OR2Y1: variants seen among roughly 807,000 people sequenced by gnomAD.
OR2Y1 encodes olfactory receptor 2Y1.
For missense variants in OR2Y1, 412 were observed against 388.4 expected (o/e 1.06, Z -0.51); for synonymous variants, 163 against 154.2 (o/e 1.06, Z -0.42).
rs145162555 is a variant in OR2Y1, at chr5:180,739,126, C to G, written c.933G>C (p.Gly311=). The change falls in exon 1 of 1, where the codon GGG becomes GGC. Residue 311 remains glycine (G), a synonymous_variant. Coordinates refer to ENST00000307832, the MANE Select transcript of OR2Y1 (RefSeq NM_001001657.1). ...TTACTGCTCATTTTTTCACCTCCTA[C>G]CCTGAGTCCCTGCCCCTCCATAGTA... ...WKVLWRGRDS[G] The G allele has an allele frequency of 1.8e-4, 288 of 1,590,524 alleles. No individual in the cohort carries two copies. Among genetic ancestry groups the G allele is most frequent in the Non-Finnish European group, 2.3e-4 (275 of 1,170,898 alleles).
At position 180,739,939 on chromosome 5, in the gene OR2Y1, A is replaced by G; in HGVS notation, c.120T>C (p.Phe40=). 6.2e-7 allele frequency: 1 copy of G among 1,614,216 alleles called. No homozygotes were observed. The highest frequency in any genetic ancestry group is 1.6e-4 in the Middle Eastern group (1 of 6,062). ...AGAGAGCGATGATGATGGTGTTGCC[A>G]AAGAGAGTTAGGGAGTAGAAAATAA... ...FIFIFYSLTL[F]GNTIIIALSW... is the part of the protein sequence containing the mutation. Residue 40 remains phenylalanine (F), a synonymous_variant, in exon 1 of 1, where the codon TTT becomes TTC. Coordinates refer to ENST00000307832, the MANE Select transcript of OR2Y1 (RefSeq NM_001001657.1).
At position 180,739,271 on chromosome 5, in the gene OR2Y1, TG is replaced by T; in HGVS notation, c.787del (p.His263ThrfsTer17). 6.2e-7 allele frequency: 1 copy of T among 1,614,036 alleles called. No homozygotes were observed. Among genetic ancestry groups the T allele is most frequent in the Non-Finnish European group, 8.5e-7 (1 of 1,180,006 alleles). ...SAIYTYLQSI[H>X]NYSEREGKFV... ...TTTTCCCTCACGCTCAGAATAATTG[TG>T]GATGGATTGGAGATATGTGTAGATG... On this transcript the variant is annotated frameshift_variant, in exon 1 of 1. Coordinates refer to ENST00000307832, the MANE Select transcript of OR2Y1 (RefSeq NM_001001657.1). LOFTEE classifies it low-confidence loss of function (END_TRUNC).
In OR2Y1 at chr5:180,739,598, A is replaced by G; in HGVS notation, c.461T>C (p.Val154Ala). 5.0e-6 allele frequency: 8 copies of G among 1,614,228 alleles called. No homozygotes were observed. The highest frequency in any genetic ancestry group is 6.8e-6 in the Non-Finnish European group (8 of 1,180,024). Residue 154 changes from valine to alanine, a missense_variant, in exon 1 of 1, where the codon GTG (valine) becomes GCG (alanine). Transcript: ENST00000307832. ...LAIASWGAGFVNSLIQTGLAM... is the reference protein window; with the variant it reads ...LAIASWGAGFANSLIQTGLAM... ...GAGACCTGTCTGGATCAGAGAGTTC[A>G]CGAAACCCGCACCCCAGGAGGCGAT...
Position 180,739,596 on chromosome 5 carries a change from T to C in OR2Y1, c.463A>G (p.Asn155Asp), listed in dbSNP as rs1470843605. The C allele has an allele frequency of 2.5e-6, 4 of 1,614,126 alleles. No individual in the cohort carries two copies. Among genetic ancestry groups the C allele is most frequent in the Non-Finnish European group, 3.4e-6 (4 of 1,180,010 alleles). The change falls in exon 1 of 1, where the codon AAC becomes GAC. Residue 155 changes from asparagine (N) to aspartate (D), a missense_variant. Asn to Asp is a conservative substitution (Grantham distance 23). Coordinates refer to ENST00000307832, the MANE Select transcript of OR2Y1 (RefSeq NM_001001657.1). ...AIASWGAGFV[N>D]SLIQTGLAMA... is the part of the protein sequence containing the mutation. ...GCGAGACCTGTCTGGATCAGAGAGTTCACGAAACCCGCACCCCAGGAGGCG... is the reference window on the plus strand; with the variant it reads ...GCGAGACCTGTCTGGATCAGAGAGTCCACGAAACCCGCACCCCAGGAGGCG...
chr5:180,739,430 G>T lies in OR2Y1; in HGVS notation c.629C>A (p.Ala210Glu). Residue 210 changes from alanine to glutamate, a missense_variant, in exon 1 of 1, where the codon GCA becomes GAA. Physicochemically the swap from Ala to Glu is moderately radical, Grantham distance 107 (BLOSUM62 -1). Transcript: ENST00000307832. ...CACATAGGAGCCTAGAATAAGTGCT[G>T]CAGGAACAGCCACGACTATGACTCG... ...VARVIVVAVPAALILGSYVHI... is the reference protein window; with the variant it reads ...VARVIVVAVPEALILGSYVHI... The T allele has an allele frequency of 6.2e-7, 1 of 1,614,212 alleles. No individual in the cohort carries two copies. The highest frequency in any genetic ancestry group is 8.5e-7 in the Non-Finnish European group (1 of 1,180,052).
rs753791222 is a variant in OR2Y1, at chr5:180,739,645, G to T, written c.414C>A (p.Pro138=). Residue 138 remains proline, a synonymous_variant, in exon 1 of 1, where the codon CCC becomes CCA. Transcript: ENST00000307832. ...CGATAGCCAGGGTCTGGCAGAGATGGGGGTGCATGATGGCCATGTAGTGGA... is the reference window on the plus strand; with the variant it reads ...CGATAGCCAGGGTCTGGCAGAGATGTGGGTGCATGATGGCCATGTAGTGGA... The part of the protein sequence containing the change: ...RPLHYMAIMH[P]HLCQTLAIAS... 1.2e-6 allele frequency: 2 copies of T among 1,614,128 alleles called. No individual in the cohort carries two copies. The highest frequency in any genetic ancestry group is 1.7e-6 in the Non-Finnish European group (2 of 1,180,050).
Position 180,739,859 on chromosome 5 carries a change from G to A in OR2Y1, c.200C>T (p.Ser67Phe), listed in dbSNP as rs1766819748. ...TPMYFFLSHLSLLDLCFTTST... is the reference protein window; with the variant it reads ...TPMYFFLSHLFLLDLCFTTST... ...GGTGGTGAAGCAGAGGTCCAGGAGGGACAGATGAGAGAGAAAGAAGTACAT... is the reference window on the plus strand; with the variant it reads ...GGTGGTGAAGCAGAGGTCCAGGAGGAACAGATGAGAGAGAAAGAAGTACAT... The change falls in exon 1 of 1, where the codon TCC (serine) becomes TTC (phenylalanine). Residue 67 changes from serine (S) to phenylalanine (F), a missense_variant. Coordinates refer to ENST00000307832, the MANE Select transcript of OR2Y1 (RefSeq NM_001001657.1). The A allele has an allele frequency of 6.2e-7, 1 of 1,614,116 alleles. No homozygotes were observed. The highest frequency in any genetic ancestry group is 1.3e-5 in the African/African-American group (1 of 74,950).
chr5:180,739,352 GC>G lies in OR2Y1; in HGVS notation c.706del (p.Ala236LeufsTer10). On this transcript the variant is annotated frameshift_variant, in exon 1 of 1. Transcript: ENST00000307832. LOFTEE classifies it low-confidence loss of function (END_TRUNC). Reference protein sequence around the residue: ...RVKSTAGRRKAFGTCGSHLLV... With the variant: ...RVKSTAGRRKXFGTCGSHLLV... ...GAGGTGGGACCCACAAGTCCCAAAAGCCTTTCTGCGCCCAGCCGTTGACTTC... is the reference window on the plus strand; with the variant it reads ...GAGGTGGGACCCACAAGTCCCAAAAGCTTTCTGCGCCCAGCCGTTGACTTC... 6.2e-7 allele frequency: 1 copy of G among 1,614,132 alleles called. No individual in the cohort carries two copies. Among genetic ancestry groups the G allele is most frequent in the Non-Finnish European group, 8.5e-7 (1 of 1,180,018 alleles).
Position 180,739,286 on chromosome 5 carries a change from T to A in OR2Y1, c.773A>T (p.Tyr258Phe). 1 of 1,614,058 alleles carries A rather than the reference T, an allele frequency of 6.2e-7. No homozygotes were observed. Among genetic ancestry groups the A allele is most frequent in the Non-Finnish European group, 8.5e-7 (1 of 1,180,010 alleles). Residue 258 changes from tyrosine (Y) to phenylalanine (F), a missense_variant, in exon 1 of 1, where the codon TAT becomes TTT. By Grantham distance (22) the Tyr-to-Phe change is conservative. Transcript: ENST00000307832. Reference protein sequence around the residue: ...FLFYGSAIYTYLQSIHNYSER... With the variant: ...FLFYGSAIYTFLQSIHNYSER... The stretch of plus-strand genomic sequence containing the variant: ...AGAATAATTGTGGATGGATTGGAGA[T>A]ATGTGTAGATGGCTGAGCCATAAAA...
At position 180,739,158 on chromosome 5, in the gene OR2Y1, A is replaced by G; in HGVS notation, c.901T>C (p.Trp301Arg). ...LRNKDVKGAL[W>R]KVLWRGRDSG ...TCCCTGCCCCTCCATAGTACTTTCC[A>G]CAGAGCCCCCTTCACGTCCTTGTTT... Residue 301 changes from tryptophan (W) to arginine (R), a missense_variant, in exon 1 of 1, where the codon TGG becomes CGG. By Grantham distance (101) the Trp-to-Arg change is moderately radical (BLOSUM62 -3). Transcript: ENST00000307832. 2 of 1,612,562 alleles carry G rather than the reference A, an allele frequency of 1.2e-6. No individual in the cohort carries two copies. The highest frequency in any genetic ancestry group is 4.5e-5 in the East Asian group (2 of 44,866).
In OR2Y1 at chr5:180,739,455, G is replaced by C. The variant is rs767713517; in HGVS notation, c.604C>G (p.Arg202Gly). 6.2e-6 allele frequency: 10 copies of C among 1,614,192 alleles called. No individual in the cohort carries two copies. The highest frequency in any genetic ancestry group is 2.2e-5 in the South Asian group (2 of 91,080). The stretch of plus-strand genomic sequence containing the variant: ...GCAGGAACAGCCACGACTATGACTC[G>C]GGCCACAAACATCTTGGCCTCTGTT... Reference protein sequence around the residue: ...EGTEAKMFVARVIVVAVPAAL... With the variant: ...EGTEAKMFVAGVIVVAVPAAL... The change falls in exon 1 of 1, where the codon CGA (arginine) becomes GGA (glycine). Residue 202 changes from arginine to glycine, a missense_variant. Arg to Gly is a moderately radical substitution (Grantham distance 125). Transcript: ENST00000307832.
Position 180,740,019 on chromosome 5 carries a change from A to C in OR2Y1, c.40T>G (p.Leu14Val), listed in dbSNP as rs1232127451. ...FNTSFEDGFI[L>V]VGFSDWPQLE... ...TGCGGCCAATCTGAGAATCCCACCA[A>C]AATGAAGCCATCTTCAAAACTGGTG... is the stretch of plus-strand genomic sequence containing the variant. The change falls in exon 1 of 1, where the codon TTG (leucine) becomes GTG (valine). Residue 14 changes from leucine to valine, a missense_variant. Physicochemically the swap from Leu to Val is conservative, Grantham distance 32. Coordinates refer to ENST00000307832, the MANE Select transcript of OR2Y1 (RefSeq NM_001001657.1). The C allele has an allele frequency of 2.5e-6, 4 of 1,613,194 alleles. No homozygotes were observed. The South Asian group carries it at 3.3e-5, about 13-fold the overall frequency.
Position 180,739,986 on chromosome 5 carries a change from G to T in OR2Y1, c.73C>A (p.Pro25Thr). ...VGFSDWPQLE[P>T]ILFVFIFIFY... ...ATAAAAATAAAGACAAACAGGATGG[G>T]CTCCAGTTGCGGCCAATCTGAGAAT... Residue 25 changes from proline (P) to threonine (T), a missense_variant, in exon 1 of 1, where the codon CCC becomes ACC. Physicochemically the swap from Pro to Thr is conservative, Grantham distance 38 (BLOSUM62 -1). Transcript: ENST00000307832. 2.5e-6 allele frequency: 4 copies of T among 1,613,840 alleles called. No homozygotes were observed. Among genetic ancestry groups the T allele is most frequent in the Non-Finnish European group, 2.5e-6 (3 of 1,179,964 alleles).
rs757690361 is a variant in OR2Y1 at position 180,740,054 on chromosome 5, C to T, written c.5G>A (p.Gly2Glu). Residue 2 changes from glycine to glutamate, a missense_variant, in exon 1 of 1, where the codon GGA becomes GAA. Gly to Glu is a moderately conservative substitution (Grantham distance 98). Coordinates refer to ENST00000307832, the MANE Select transcript of OR2Y1 (RefSeq NM_001001657.1). M[G>E]SFNTSFEDGF... is the part of the protein sequence containing the mutation. ...ATCTTCAAAACTGGTGTTGAAACTT[C>T]CCATGGCCTTTTGCCTGTCTGAACA... 6.2e-7 allele frequency: 1 copy of T among 1,609,158 alleles called. No individual in the cohort carries two copies. Among genetic ancestry groups the T allele is most frequent in the Non-Finnish European group, 8.5e-7 (1 of 1,178,732 alleles).
rs201508793 is a variant in OR2Y1, at chr5:180,739,927, G to T, written c.132C>A (p.Ile44=). ...FYSLTLFGNT[I]IIALSWLDLR... The stretch of plus-strand genomic sequence containing the variant: ...GGTCTAGCCAGGAGAGAGCGATGAT[G>T]ATGGTGTTGCCAAAGAGAGTTAGGG... Residue 44 remains isoleucine, a synonymous_variant, in exon 1 of 1, where the codon ATC becomes ATA. Coordinates refer to ENST00000307832, the MANE Select transcript of OR2Y1 (RefSeq NM_001001657.1). 210 of 1,614,214 alleles carry T rather than the reference G, an allele frequency of 1.3e-4. No homozygotes were observed. The highest frequency in any genetic ancestry group is 9.1e-4 in the South Asian group (83 of 91,088).
At position 180,739,367 on chromosome 5, in the gene OR2Y1, G is replaced by GC. The variant is rs1467452851; in HGVS notation, c.691dup (p.Ala231GlyfsTer37). 3.1e-6 allele frequency: 5 copies of GC among 1,614,052 alleles called. No homozygotes were observed. In the Admixed American group the frequency reaches 8.3e-5, roughly 27 times the overall value. ...AGTCCCAAAAGCCTTTCTGCGCCCAGCCGTTGACTTCACCCTCAGCACTGC... is the reference window on the plus strand; with the variant it reads ...AGTCCCAAAAGCCTTTCTGCGCCCAGCCCGTTGACTTCACCCTCAGCACTGC... On this transcript the variant is annotated frameshift_variant, in exon 1 of 1. Coordinates refer to ENST00000307832, the MANE Select transcript of OR2Y1 (RefSeq NM_001001657.1). LOFTEE classifies it low-confidence loss of function (END_TRUNC).
chr5:180,739,607 G>T lies in OR2Y1; in HGVS notation c.452C>A (p.Ala151Glu), dbSNP rs563237695. ...CTGGATCAGAGAGTTCACGAAACCC[G>T]CACCCCAGGAGGCGATAGCCAGGGT... The part of the protein sequence containing the change: ...CQTLAIASWG[A>E]GFVNSLIQTG... The change falls in exon 1 of 1, where the codon GCG becomes GAG. Residue 151 changes from alanine to glutamate, a missense_variant. Ala to Glu is a moderately radical substitution (Grantham distance 107). Transcript: ENST00000307832. 10 of 1,614,076 alleles carry T rather than the reference G, an allele frequency of 6.2e-6. No individual in the cohort carries two copies. The highest frequency in any genetic ancestry group is 8.5e-6 in the Non-Finnish European group (10 of 1,180,030).
Position 180,739,219 on chromosome 5 carries a change from AAT to A in OR2Y1, c.838_839del (p.Ile280TyrfsTer?). On this transcript the variant is annotated frameshift_variant, in exon 1 of 1. Transcript: ENST00000307832. LOFTEE classifies it low-confidence loss of function (END_TRUNC). ...AAATGAGAGGATTGAGAATGGGGGT[AAT>A]TATAGTATAAAAAAGGGCAACAAAT... ...GKFVALFYTIITPILNPLIYT... is the reference protein window; with the variant it reads ...GKFVALFYTIXTPILNPLIYT... 6.2e-7 allele frequency: 1 copy of A among 1,614,066 alleles called. No homozygotes were observed. The highest frequency in any genetic ancestry group is 8.5e-7 in the Non-Finnish European group (1 of 1,179,924).
Position 180,739,982 on chromosome 5 carries a change from A to G in OR2Y1, c.77T>C (p.Ile26Thr). The change falls in exon 1 of 1, where the codon ATC becomes ACC. Residue 26 changes from isoleucine (I) to threonine (T), a missense_variant. Transcript: ENST00000307832. ...GAAAATAAAAATAAAGACAAACAGGATGGGCTCCAGTTGCGGCCAATCTGA... is the reference window on the plus strand; with the variant it reads ...GAAAATAAAAATAAAGACAAACAGGGTGGGCTCCAGTTGCGGCCAATCTGA... ...GFSDWPQLEP[I>T]LFVFIFIFYS... 1.2e-6 allele frequency: 2 copies of G among 1,613,932 alleles called. No homozygotes were observed. The highest frequency in any genetic ancestry group is 1.7e-6 in the Non-Finnish European group (2 of 1,179,980).
Sources: allele counts gnomAD v4.1 joint callset, GRCh38; gene constraint gnomAD v4.1.1; transcripts MANE v1.5; gene names NCBI Gene and HGNC (gene_info 2026-07-23, HGNC 2026-07-21).